The following KCNIP4 variants were observed in gnomAD, a reference collection of about 807,000 sequenced individuals.
KCNIP4 encodes potassium voltage-gated channel interacting protein 4.
KCNIP4 carries 12 observed loss-of-function variants against 34.0 expected under a neutral mutation model. That is an observed-to-expected ratio of 0.35 (90% CI 0.23 to 0.57). The LOEUF (loss-of-function observed/expected upper bound fraction) is 0.57. Among genes scored for constraint, KCNIP4 ranks in the 20% least tolerant of loss-of-function variants. The pLI is 0.83. For missense variants in KCNIP4, 238 were observed against 311.7 expected (o/e 0.76, Z 1.78); for synonymous variants, 124 against 102.2 (o/e 1.21, Z -1.29).
At chr4:21,719,556 G>T (rs1503992) in intron 1 of KCNIP4, among the ~76,000 whole-genome samples, 27,020 of 152,108 alleles carry the variant, frequency 0.18, 3,487 homozygotes, top group African/African-American at 0.37. Flanking sequence ...AATAAATGAT[G>T]CAGTGATTCC....
At chr4:21,073,862 G>A (rs936543052) in intron 1 of KCNIP4, among the ~76,000 whole-genome samples, 16 of 152,068 alleles carry the variant, frequency 1.1e-4, no homozygotes, top group Admixed American at 2.0e-4. Flanking sequence ...GTTGAATTTT[G>A]TCAAAGGCCT....
At chr4:20,930,051 A>G (rs1271722842) in intron 1 of KCNIP4, among the ~76,000 whole-genome samples, 1 of 152,044 alleles carries the variant, frequency 6.6e-6, no homozygotes, top group African/African-American at 2.4e-5. Context: ...ACAGACACAT[A>G]AAAACAGAAT....
At chr4:21,116,896 A>T (rs1316346207) in intron 1 of KCNIP4, among the ~76,000 whole-genome samples, 1 of 152,184 alleles carries the variant, frequency 6.6e-6, no homozygotes, top group African/African-American at 2.4e-5. Flanking sequence ...TAATTAGTCA[A>T]ATATTTCATG....
chr4:21,406,900 C>T (rs1489203004), intron 1 of KCNIP4, among the ~76,000 whole-genome samples: 1 of 152,124 alleles, frequency 6.6e-6, no homozygotes, highest in Admixed American at 6.5e-5. Context: ...TACTTCAAGT[C>T]TTTACTGACT....
chr4:21,088,098 A>G (rs1746631868), intron 1 of KCNIP4, among the ~76,000 whole-genome samples: 2 of 147,878 alleles, frequency 1.4e-5, no homozygotes, highest in Admixed American at 1.3e-4. Context: ...TCAAAACCAT[A>G]TGCCATTGTA....
At chr4:21,774,311 AG>A (rs1380002617) in intron 1 of KCNIP4, among the ~76,000 whole-genome samples, 1 of 152,148 alleles carries the variant, frequency 6.6e-6, no homozygotes, top group Non-Finnish European at 1.5e-5. Context: ...GTCCTCTGTT[AG>A]TCTGATGGGC....
chr4:21,746,465 A>G (rs1030149119), intron 1 of KCNIP4, among the ~76,000 whole-genome samples: 5 of 152,146 alleles, frequency 3.3e-5, no homozygotes, highest in African/African-American at 1.2e-4. Context: ...TTTCAGTTCA[A>G]TGAGAACTTT....
chr4:20,767,555 AC>A (rs1697039520), intron 3 of KCNIP4, among the ~76,000 whole-genome samples: 1 of 152,200 alleles, frequency 6.6e-6, no homozygotes, highest in African/African-American at 2.4e-5. Context: ...TTATAAGGAA[AC>A]CTTTCAGCAT....
At chr4:21,787,316 C>T (rs1372483902) in intron 1 of KCNIP4, among the ~76,000 whole-genome samples, 1 of 152,144 alleles carries the variant, frequency 6.6e-6, no homozygotes, top group Admixed American at 6.5e-5. Context: ...CACTTTTGGT[C>T]CCAAGCATTT....
chr4:21,200,504 T>A (rs1756416272), intron 1 of KCNIP4, among the ~76,000 whole-genome samples: 1 of 151,782 alleles, frequency 6.6e-6, no homozygotes, highest in Non-Finnish European at 1.5e-5. Flanking sequence ...TGGATGGAAC[T>A]GGAGTCTATA....
chr4:20,972,434 AAC>A (rs1163878042), intron 1 of KCNIP4, among the ~76,000 whole-genome samples: 7 of 152,308 alleles, frequency 4.6e-5, no homozygotes, highest in Admixed American at 4.6e-4. Flanking sequence ...GAGGCATAAA[AAC>A]AACATTAATC....
At chr4:21,929,905 C>A (rs1332512776) in intron 1 of KCNIP4, among the ~76,000 whole-genome samples, 2 of 152,120 alleles carry the variant, frequency 1.3e-5, no homozygotes, top group Non-Finnish European at 2.9e-5. Context: ...GCTGTCATTC[C>A]TTTTACCTCC....
intron 1 of KCNIP4, among the ~76,000 whole-genome samples, chr4:20,954,623 T>G (rs1560598197): frequency 6.6e-6 from 1 of 152,166 alleles, no homozygotes; most frequent in East Asian, 1.9e-4. Flanking sequence ...AGCAACTGAT[T>G]ATAGAATACA....
rs1318190067 is a variant in KCNIP4, at chr4:20,728,859, C to CAAA, written c.*1220_*1222dup. On this transcript the variant is annotated 3_prime_UTR_variant, in exon 9 of 9. Coordinates refer to ENST00000382152, the MANE Select transcript of KCNIP4 (RefSeq NM_025221.6). The stretch of plus-strand genomic sequence containing the variant: ...CCTCTTGGTCTTTGTGATATTTCTA[C>CAAA]AAAACAGGGACGATGTGTGTGGCTT... 6.6e-6 allele frequency: 1 copy of CAAA among 152,456 alleles called. No homozygotes were observed. Among genetic ancestry groups the CAAA allele is most frequent in the East Asian group, 1.9e-4 (1 of 5,180 alleles). The allele number at this position is 152,456 out of a possible 1,614,324, so 9.4% of individuals were successfully genotyped here. A position where few individuals can be genotyped will look rare whatever the true frequency, so the allele number is the denominator to read the frequency against.
At chr4:21,750,371 G>A (rs1449140788) in intron 1 of KCNIP4, among the ~76,000 whole-genome samples, 1 of 152,118 alleles carries the variant, frequency 6.6e-6, no homozygotes, top group Admixed American at 6.6e-5. Flanking sequence ...AACTTATGCT[G>A]AGGTAGCTAA....
intron 1 of KCNIP4, among the ~76,000 whole-genome samples, chr4:20,949,397 T>C (rs1484531500): frequency 6.6e-6 from 1 of 152,200 alleles, no homozygotes; most frequent in Non-Finnish European, 1.5e-5. Context: ...ATTAATTGGA[T>C]GATGCAAAGA....
At chr4:21,315,845 T>C (rs1442364384) in intron 1 of KCNIP4, among the ~76,000 whole-genome samples, 1 of 152,158 alleles carries the variant, frequency 6.6e-6, no homozygotes. Context: ...GCTTCGATTT[T>C]CAGTGGTATT....
chr4:20,816,310 C>T (rs1320025498), intron 3 of KCNIP4, among the ~76,000 whole-genome samples: 1 of 151,614 alleles, frequency 6.6e-6, no homozygotes. Flanking sequence ...ACATGCTACA[C>T]CATTAAAATG....
intron 1 of KCNIP4, among the ~76,000 whole-genome samples, chr4:21,525,381 C>G (rs1735885224): frequency 1.3e-5 from 2 of 151,988 alleles, no homozygotes; most frequent in Non-Finnish European, 2.9e-5. Flanking sequence ...CTGTTCAGTA[C>G]TGAAAAGTAA....
Sources: allele counts gnomAD v4.1 joint callset (sites outside exome capture counted in the v4.1 genomes callset), GRCh38; gene constraint gnomAD v4.1.1; transcripts MANE v1.5; gene names NCBI Gene and HGNC (gene_info 2026-07-23, HGNC 2026-07-21).